The following KIF26B variants were observed in gnomAD, a reference collection of about 807,000 sequenced individuals.
KIF26B encodes kinesin family member 26B.
Under a neutral mutation model 151.2 loss-of-function variants are expected in KIF26B, and 63 were observed. The observed-to-expected ratio is 0.42, with a 90% CI of 0.34 to 0.51. The LOEUF is 0.51. Among genes scored for constraint, KIF26B ranks in the 20% least tolerant of loss-of-function variants. KIF26B has a pLI of 0.07. For missense variants in KIF26B, 2,813 were observed against 2,913.6 expected (o/e 0.97, Z 0.79); for synonymous variants, 1,357 against 1,262.1 (o/e 1.08, Z -1.59).
chr1:245,520,571 T>C (rs1459474456), intron 4 of KIF26B, among the ~76,000 whole-genome samples: 2 of 31,112 alleles, frequency 6.4e-5, no homozygotes, highest in African/African-American at 1.5e-4. Context: ...CACCCATTCA[T>C]CCATCCATCC....
At chr1:245,491,867 C>T (rs1304318257) in intron 4 of KIF26B, among the ~76,000 whole-genome samples, 1 of 151,984 alleles carries the variant, frequency 6.6e-6, no homozygotes, top group Non-Finnish European at 1.5e-5. Flanking sequence ...AGGATCCTTC[C>T]ACTGCACTCT....
chr1:245,219,962 C>T (rs1573715941), intron 2 of KIF26B, among the ~76,000 whole-genome samples: 2 of 152,082 alleles, frequency 1.3e-5, no homozygotes, highest in Non-Finnish European at 2.9e-5. Context: ...TTGACTTCTC[C>T]GAACAGCCCA....
intron 2 of KIF26B, among the ~76,000 whole-genome samples, chr1:245,276,419 G>T (rs1417607103): frequency 6.6e-6 from 1 of 152,182 alleles, no homozygotes; most frequent in Non-Finnish European, 1.5e-5. Flanking sequence ...GGAGTTAGGG[G>T]TTTTCTCCTG....
Position 245,155,188 on chromosome 1 carries a change from G to GTGCGGC in KIF26B, c.-237_-236insTGCGGC, listed in dbSNP as rs1354363665. ...GCGGCTGGAAGAGGCAGAAGGGGAC[G>GTGCGGC]AGGAAAAGCATGCTTTGAAGAGAAG... On this transcript the variant is annotated 5_prime_UTR_variant, in exon 1 of 15. Coordinates refer to ENST00000407071, the MANE Select transcript of KIF26B (RefSeq NM_018012.4). 1.8e-6 allele frequency: 1 copy of GTGCGGC among 558,922 alleles called. No homozygotes were observed. Among genetic ancestry groups the GTGCGGC allele is most frequent in the African/African-American group, 2.0e-5 (1 of 51,106 alleles). 34.6% of individuals were successfully genotyped at this position (558,922 alleles called of 1,614,324 possible).
intron 4 of KIF26B, among the ~76,000 whole-genome samples, chr1:245,518,944 G>A (rs1039430243): frequency 2.6e-5 from 4 of 152,158 alleles, no homozygotes; most frequent in Non-Finnish European, 4.4e-5. Flanking sequence ...CATGATTTCT[G>A]TCATTCAACC....
intron 2 of KIF26B, among the ~76,000 whole-genome samples, chr1:245,253,707 T>C (rs1670482661): frequency 6.6e-6 from 1 of 151,602 alleles, no homozygotes; most frequent in Non-Finnish European, 1.5e-5. Context: ...AAAATGGTTA[T>C]AGGACTTTTC....
intron 2 of KIF26B, among the ~76,000 whole-genome samples, chr1:245,267,528 T>A (rs1262158038): frequency 6.6e-6 from 1 of 151,986 alleles, no homozygotes; most frequent in Non-Finnish European, 1.5e-5. Context: ...GCAGAAAAGC[T>A]CAACTGGAGT....
intron 4 of KIF26B, among the ~76,000 whole-genome samples, chr1:245,472,099 A>G (rs1292280400): frequency 6.6e-6 from 1 of 152,166 alleles, no homozygotes; most frequent in African/African-American, 2.4e-5. Context: ...GTCAGATCTT[A>G]CATTCTGATA....
At chr1:245,499,945 G>A (rs1221556726) in intron 4 of KIF26B, among the ~76,000 whole-genome samples, 1 of 152,194 alleles carries the variant, frequency 6.6e-6, no homozygotes, top group Admixed American at 6.5e-5. Flanking sequence ...TTTGCTGAGG[G>A]TTGGGCTGAG....
At chr1:245,605,385 C>G (rs999789531) in intron 6 of KIF26B, among the ~76,000 whole-genome samples, 2 of 152,212 alleles carry the variant, frequency 1.3e-5, no homozygotes, top group African/African-American at 4.8e-5. Context: ...GCTCTCCAGT[C>G]CTCATTTTCA....
At chr1:245,441,610 C>T (rs1659107440) in intron 4 of KIF26B, among the ~76,000 whole-genome samples, 1 of 151,966 alleles carries the variant, frequency 6.6e-6, no homozygotes, top group African/African-American at 2.4e-5. Flanking sequence ...GCAACGCAGA[C>T]CCCGGGAAGA....
chr1:245,498,664 A>G (rs547670234), intron 4 of KIF26B, among the ~76,000 whole-genome samples: 3 of 152,310 alleles, frequency 2.0e-5, no homozygotes, highest in Middle Eastern at 3.4e-3. Flanking sequence ...TAATATGGTC[A>G]TTAATATTTC....
At position 245,240,465 on chromosome 1, in the gene KIF26B, C is replaced by T. The variant is rs866608094; in HGVS notation, c.465+83782C>T. 6.6e-5 allele frequency among the ~76,000 whole-genome samples: 10 copies of T among 152,200 alleles called. 1 individual carries two copies. Among genetic ancestry groups the T allele is most frequent in the South Asian group, 6.2e-4 (3 of 4,816 alleles). On this transcript the variant is annotated intron_variant, in intron 2 of 14. Transcript: ENST00000407071. ...CTGGAATTTTAAAGTCCTGCATTTT[C>T]GGTTCGTTTAGAGGAAGCTGCATAT... is the stretch of plus-strand genomic sequence containing the variant.
At position 245,564,372 on chromosome 1, in the gene KIF26B, C is replaced by T. The variant is rs960297732; in HGVS notation, c.1350+23422C>T. ...TCTCTTCTACGACACGGAGACCTTT[C>T]CCGGAGCAGGAACGGGGCCACGGCC... is the stretch of plus-strand genomic sequence containing the variant. On this transcript the variant is annotated intron_variant, in intron 5 of 14. Transcript: ENST00000407071. The surrounding 1 kb of genome is among the most constrained non-coding windows in gnomAD (Gnocchi z 4.6). 1.3e-5 allele frequency among the ~76,000 whole-genome samples: 2 copies of T among 152,094 alleles called. No homozygotes were observed. The highest frequency in any genetic ancestry group is 2.4e-5 in the African/African-American group (1 of 41,414).
At chr1:245,412,560 G>A (rs74153575) in intron 3 of KIF26B, among the ~76,000 whole-genome samples, 9,610 of 152,198 alleles carry the variant, frequency 0.063, 980 homozygotes, top group African/African-American at 0.22. Context: ...AGAAGTTAAA[G>A]GTCAGCAGCT....
At chr1:245,627,002 T>C (rs1297368428) in intron 9 of KIF26B, among the ~76,000 whole-genome samples, 2 of 152,228 alleles carry the variant, frequency 1.3e-5, no homozygotes, top group African/African-American at 4.8e-5. Flanking sequence ...CTTTCCCCAA[T>C]GCATGTTCTT....
At chr1:245,394,129 T>G (rs1307954165) in intron 3 of KIF26B, among the ~76,000 whole-genome samples, 1 of 152,220 alleles carries the variant, frequency 6.6e-6, no homozygotes, top group Admixed American at 6.5e-5. Flanking sequence ...TTGGATCTGC[T>G]AAGTCAGTTA....
chr1:245,213,833 C>A (rs374430570), intron 2 of KIF26B, among the ~76,000 whole-genome samples: 1 of 152,186 alleles, frequency 6.6e-6, no homozygotes, highest in Non-Finnish European at 1.5e-5. Context: ...GAGGATGGAG[C>A]CTGGGGCTAC....
At chr1:245,640,143 C>CTCTCTCTCTCTCTCTCTCTCTCTATA in intron 9 of KIF26B, among the ~76,000 whole-genome samples, 4 of 31,914 alleles carry the variant, frequency 1.3e-4, no homozygotes, top group Non-Finnish European at 2.4e-4. Context: ...CTCTCTCTCT[C>CTCTCTCTCTCTCTCTCTCTCTCTATA]TATATATATA....
Sources: gnomAD v4.1 joint callset for allele counts (sites outside exome capture counted in the v4.1 genomes callset) on GRCh38, gnomAD v4.1.1 for gene constraint, Gnocchi (gnomAD v3.1) non-coding constraint, MANE v1.5 for transcripts, NCBI Gene and HGNC (gene_info 2026-07-23, HGNC 2026-07-21) for gene names.